IGBP1C: variants seen among roughly 807,000 people sequenced by gnomAD.
IGBP1C encodes immunoglobulin-binding protein 1 family member C.
At chr17:58,662,402 T>C in the IGBP1C span, among the ~76,000 whole-genome samples, 18 of 139,054 alleles carry the variant, frequency 1.3e-4, no homozygotes, top group Admixed American at 3.1e-4. Flanking sequence ...TACAGATATA[T>C]AGCACACATA....
At chr17:58,679,422 G>C in the IGBP1C span, 1 of 145,252 alleles carries the variant, frequency 6.9e-6, no homozygotes, top group Non-Finnish European at 1.6e-5. Flanking sequence ...ATGACCATTA[G>C]AAGGCATCAA....
the IGBP1C span, among the ~76,000 whole-genome samples, chr17:58,687,441 C>T: frequency 1.3e-5 from 2 of 152,132 alleles, no homozygotes; most frequent in East Asian, 1.9e-4. Context: ...TAGGTCCGTG[C>T]GGGTTACAGA....
the IGBP1C span, among the ~76,000 whole-genome samples, chr17:58,677,004 A>C: frequency 6.6e-6 from 1 of 151,136 alleles, no homozygotes; most frequent in Non-Finnish European, 1.5e-5. Flanking sequence ...CTGTAATCCC[A>C]GCTACTCAGG....
At chr17:58,688,117 TTTTTG>T in the IGBP1C span, among the ~76,000 whole-genome samples, 1 of 151,900 alleles carries the variant, frequency 6.6e-6, no homozygotes, top group East Asian at 1.9e-4. Flanking sequence ...TTATAGACTT[TTTTTG>T]TTTTGTTTTG....
chr17:58,661,160 T>G, the IGBP1C span: 1 of 820,496 alleles, frequency 1.2e-6, no homozygotes, highest in South Asian at 1.3e-5. Flanking sequence ...GAGGCTAGGA[T>G]AAGCCGTGGA....
At chr17:58,670,922 CACAATGTATAAT>C in the IGBP1C span, among the ~76,000 whole-genome samples, 2 of 151,814 alleles carry the variant, frequency 1.3e-5, no homozygotes, top group East Asian at 3.9e-4. Flanking sequence ...GTAGCCATTC[CACAATGTATAAT>C]ACTTCAAAAC....
chr17:58,671,507 G>A, the IGBP1C span, among the ~76,000 whole-genome samples: 3 of 151,952 alleles, frequency 2.0e-5, no homozygotes, highest in Non-Finnish European at 2.9e-5. Flanking sequence ...TCCTGGGGTC[G>A]CAGCTTTATA....
At chr17:58,662,752 G>A in the IGBP1C span, among the ~76,000 whole-genome samples, 1 of 152,166 alleles carries the variant, frequency 6.6e-6, no homozygotes, top group African/African-American at 2.4e-5. Flanking sequence ...ATATGAGAGT[G>A]ACATATATAC....
chr17:58,666,113 G>A, the IGBP1C span, among the ~76,000 whole-genome samples: 1 of 151,634 alleles, frequency 6.6e-6, no homozygotes, highest in Non-Finnish European at 1.5e-5. Flanking sequence ...GGAGGCTGAA[G>A]GTGTGGATCA....
At chr17:58,672,017 CAG>C in the IGBP1C span, among the ~76,000 whole-genome samples, 39 of 152,214 alleles carry the variant, frequency 2.6e-4, no homozygotes, top group African/African-American at 8.4e-4. Context: ...CCACGGATAA[CAG>C]GGGGTGGGTG....
At chr17:58,686,776 C>T in the IGBP1C span, among the ~76,000 whole-genome samples, 1 of 150,750 alleles carries the variant, frequency 6.6e-6, no homozygotes, top group Non-Finnish European at 1.5e-5. Flanking sequence ...AAAGCTATGC[C>T]TTTATTCAGA....
the IGBP1C span, among the ~76,000 whole-genome samples, chr17:58,685,161 T>C: frequency 6.6e-6 from 1 of 151,954 alleles, no homozygotes; most frequent in Admixed American, 6.6e-5. Flanking sequence ...AGATTTGGCC[T>C]AGTTTTGAAG....
At chr17:58,661,488 G>T in the IGBP1C span, 4 of 781,090 alleles carry the variant, frequency 5.1e-6, no homozygotes, top group South Asian at 5.4e-5. Flanking sequence ...TGGACTATTC[G>T]GGAACCGGTG....
At chr17:58,684,670 TAAATA>T in the IGBP1C span, among the ~76,000 whole-genome samples, 1 of 147,032 alleles carries the variant, frequency 6.8e-6, no homozygotes, top group African/African-American at 2.5e-5. Flanking sequence ...AATAAATAAA[TAAATA>T]AATAAAAAGC....
the IGBP1C span, among the ~76,000 whole-genome samples, chr17:58,674,801 T>G: frequency 1.8e-5 from 2 of 109,742 alleles, no homozygotes; most frequent in Admixed American, 9.6e-5. Context: ...ATAAAGTGGT[T>G]AAAAAAAAAA....
chr17:58,674,988 A>T, the IGBP1C span, among the ~76,000 whole-genome samples: 1 of 151,830 alleles, frequency 6.6e-6, no homozygotes, highest in Non-Finnish European at 1.5e-5. Flanking sequence ...TCTACAAAAA[A>T]CACAAAAATT....
At chr17:58,673,307 T>TA in the IGBP1C span, among the ~76,000 whole-genome samples, 27 of 145,548 alleles carry the variant, frequency 1.9e-4, no homozygotes, top group Middle Eastern at 3.5e-3. Flanking sequence ...GGCGAAACCA[T>TA]AAAAAAAAAA....
At chr17:58,673,655 G>C in the IGBP1C span, among the ~76,000 whole-genome samples, 2 of 151,982 alleles carry the variant, frequency 1.3e-5, no homozygotes, top group Non-Finnish European at 2.9e-5. Flanking sequence ...TCAACCTCTT[G>C]GGCTCAGGTG....
the IGBP1C span, among the ~76,000 whole-genome samples, chr17:58,677,183 A>G: frequency 6.6e-6 from 1 of 151,962 alleles, no homozygotes; most frequent in East Asian, 1.9e-4. Flanking sequence ...GCTACTTGGA[A>G]GGCTGAGGCA....
Sources: gnomAD v4.1 joint callset for allele counts (sites outside exome capture counted in the v4.1 genomes callset) on GRCh38, gnomAD v4.1.1 for gene constraint, MANE v1.5 for transcripts, NCBI Gene and HGNC (gene_info 2026-07-23, HGNC 2026-07-21) for gene names.